Variants in LMLN observed in about 807,000 individuals in gnomAD.
The protein encoded by LMLN is leishmanolysin-like peptidase.
Under a neutral mutation model 92.3 loss-of-function variants are expected in LMLN, and 70 were observed. The ratio of observed to expected loss-of-function variants is 0.76; its 90% confidence interval spans 0.63 to 0.92. The LOEUF is 0.92. Ranked by LOEUF, LMLN falls within the 40% of genes least tolerant of loss-of-function variation. The probability of loss-of-function intolerance (pLI) is 0.00; values close to 1 mark genes in which losing one functional copy is unlikely to be tolerated. For missense variants in LMLN, 691 were observed against 814.6 expected (o/e 0.85, Z 1.85); for synonymous variants, 308 against 296.2 (o/e 1.04, Z -0.41).
At chr3:198,003,108 T>G in intron 11 of LMLN, 1 of 1,546,948 alleles carries the variant, frequency 6.5e-7, no homozygotes, top group South Asian at 1.2e-5. Flanking sequence ...AATTCTGGAT[T>G]GATCAGCAGA....
At chr3:198,038,198 G>T in intron 15 of LMLN, 1 of 218,388 alleles carries the variant, frequency 4.6e-6, no homozygotes, top group African/African-American at 2.3e-5. Flanking sequence ...ACTAGTTTGT[G>T]TTGATAAATT....
At chr3:198,035,753 T>C in intron 14 of LMLN, 80 bp from the exon 16 acceptor site, 1 of 1,070,598 alleles carries the variant, frequency 9.3e-7, no homozygotes, top group Non-Finnish European at 1.4e-6. Flanking sequence ...TATTTTCCTG[T>C]AGTTGAAGGA....
At chr3:197,993,915 T>C (rs1721948933) in intron 9 of LMLN, among the ~76,000 whole-genome samples, 2 of 152,134 alleles carry the variant, frequency 1.3e-5, no homozygotes, top group African/African-American at 2.4e-5. Context: ...AATAGGCACA[T>C]TGATGAATGG....
intron 11 of LMLN, among the ~76,000 whole-genome samples, chr3:198,010,266 G>T (rs567111114): frequency 4.3e-4 from 65 of 151,844 alleles, no homozygotes; most frequent in African/African-American, 1.5e-3. Flanking sequence ...CAATTCTCCC[G>T]ACTCAGCCTC....
intron 11 of LMLN, among the ~76,000 whole-genome samples, chr3:198,002,585 A>G (rs560422501): frequency 6.6e-6 from 1 of 152,200 alleles, no homozygotes; most frequent in Non-Finnish European, 1.5e-5. Flanking sequence ...TAAAAATGCA[A>G]AAATTAGTCA....
At chr3:197,982,223 CTTTT>C (rs1241377836) in intron 6 of LMLN, among the ~76,000 whole-genome samples, 2 of 116,532 alleles carry the variant, frequency 1.7e-5, no homozygotes. Flanking sequence ...CAGTTACCTT[CTTTT>C]TTTTTTTTTT....
intron 1 of LMLN, among the ~76,000 whole-genome samples, chr3:197,960,813 A>G (rs1276935628): frequency 1.3e-5 from 2 of 152,034 alleles, no homozygotes; most frequent in Non-Finnish European, 2.9e-5. Flanking sequence ...TTACGTTCCC[A>G]GCTGGTTGGT....
At position 198,025,842 on chromosome 3, in the gene LMLN, C is replaced by A. The variant is rs79121212; in HGVS notation, c.1656+1054C>A. On this transcript the variant is annotated intron_variant, in intron 14 of 15. Transcript: ENST00000330198. The surrounding 1 kb of genome is among the most constrained non-coding windows in gnomAD (Gnocchi z 4.3). ...AGCGTAAGCCTGAGAAATGCAGAAT[C>A]AGCATTCCTGTGCCATTTCAGCTGC... is the stretch of plus-strand genomic sequence containing the variant. Among the ~76,000 whole-genome samples the A allele has an allele frequency of 0.064, 9,811 of 152,308 alleles. 376 individuals carry two copies. Among genetic ancestry groups the A allele is most frequent in the African/African-American group, 0.099 (4,114 of 41,560 alleles).
chr3:197,976,035 C>A, exon 4 of LMLN: 1 of 1,581,668 alleles, frequency 6.3e-7, no homozygotes, highest in Non-Finnish European at 8.6e-7. Flanking sequence ...TTAGAACAAG[C>A]TTTTCCCACA....
At chr3:198,021,458 C>G (rs1328564148) in exon 13 of LMLN, 1 of 1,613,818 alleles carries the variant, frequency 6.2e-7, no homozygotes, top group East Asian at 2.2e-5. Context: ...CTTTGATGAA[C>G]TCAGTGGAAT....
intron 11 of LMLN, among the ~76,000 whole-genome samples, chr3:198,003,483 CAAA>C (rs969591159): frequency 6.6e-6 from 1 of 151,514 alleles, no homozygotes; most frequent in African/African-American, 2.4e-5. Context: ...GATTCAGTAT[CAAA>C]AAAAAGGCAC....
intron 9 of LMLN, among the ~76,000 whole-genome samples, chr3:197,992,070 T>C (rs1216763576): frequency 3.7e-5 from 5 of 135,576 alleles, no homozygotes; most frequent in Non-Finnish European, 6.2e-5. Context: ...ACCATGTTGG[T>C]CAGGGTGAGA....
intron 7 of LMLN, among the ~76,000 whole-genome samples, chr3:197,984,262 G>A (rs1721637104): frequency 1.3e-5 from 2 of 152,000 alleles, no homozygotes; most frequent in African/African-American, 4.8e-5. Flanking sequence ...AGCTACTTGG[G>A]AGGCTGAGGT....
intron 11 of LMLN, 39 bp from the exon 12 acceptor site, chr3:198,002,976 G>A (rs759603313): frequency 8.7e-7 from 1 of 1,153,490 alleles, no homozygotes; most frequent in Non-Finnish European, 1.3e-6. Context: ...TTTTTGAAAG[G>A]ACAGCAGTAA....
At chr3:197,983,588 G>A (rs915259132) in intron 6 of LMLN, among the ~76,000 whole-genome samples, 1 of 152,118 alleles carries the variant, frequency 6.6e-6, no homozygotes, top group Non-Finnish European at 1.5e-5. Flanking sequence ...CTACCTGCTT[G>A]TCTCTGTGCC....
chr3:198,002,955 T>C, intron 11 of LMLN, 60 bp from the exon 12 acceptor site: 2 of 910,982 alleles, frequency 2.2e-6, no homozygotes, highest in Admixed American at 2.2e-5. Context: ...TCAATTGTTA[T>C]GCTAGAGTTG....
In LMLN at chr3:198,040,899, A is replaced by G. The variant is rs568436443; in HGVS notation, c.*2232A>G. On this transcript the variant is annotated 3_prime_UTR_variant, in exon 16 of 16. Coordinates refer to ENST00000330198, the Ensembl canonical transcript of LMLN. The stretch of plus-strand genomic sequence containing the variant: ...AACCACAACCCTCGGACAGACTCCT[A>G]TTCCTCCATGGCATTGTAACCACAA... The G allele has an allele frequency of 6.7e-5, 9 of 134,934 alleles. No homozygotes were observed. The East Asian group carries it at 1.7e-3, about 26-fold the overall frequency. 8.4% of individuals were successfully genotyped at this position (134,934 alleles called of 1,614,324 possible).
At chr3:197,971,439 C>G (rs1006126338) in intron 1 of LMLN, among the ~76,000 whole-genome samples, 1 of 152,224 alleles carries the variant, frequency 6.6e-6, no homozygotes, top group Non-Finnish European at 1.5e-5. Flanking sequence ...ACCTCCTTCC[C>G]TTGACATGTG....
intron 11 of LMLN, chr3:198,003,018 G>T (rs1581160655): frequency 2.6e-6 from 4 of 1,543,226 alleles, no homozygotes. Context: ...TCCACAGCTG[G>T]TATAAAGCAA....
Sources: gnomAD v4.1 joint callset for allele counts (sites outside exome capture counted in the v4.1 genomes callset) on GRCh38, gnomAD v4.1.1 for gene constraint, Gnocchi (gnomAD v3.1) non-coding constraint, MANE v1.5 for transcripts, NCBI Gene and HGNC (gene_info 2026-07-23, HGNC 2026-07-21) for gene names.